Variants in TMEM181 observed in about 807,000 individuals in gnomAD.
The protein encoded by TMEM181 is transmembrane protein 181.
TMEM181 carries 39 observed loss-of-function variants against 71.9 expected under a neutral mutation model. The observed-to-expected ratio is 0.54, with a 90% confidence interval of 0.42 to 0.71. The LOEUF (loss-of-function observed/expected upper bound fraction) is 0.71, where lower values mean the gene tolerates loss of function less well. Ranked by LOEUF, TMEM181 falls within the 30% of genes least tolerant of loss-of-function variation. TMEM181 has a pLI of 0.00. For missense variants in TMEM181, 595 were observed against 583.0 expected (o/e 1.02, Z -0.21); for synonymous variants, 245 against 228.8 (o/e 1.07, Z -0.64).
intron 1 of TMEM181, among the ~76,000 whole-genome samples, chr6:158,551,822 A>T (rs1337246508): frequency 6.6e-6 from 1 of 152,220 alleles, no homozygotes; most frequent in Admixed American, 6.5e-5. Context: ...GCTATCACTG[A>T]TCACCTGACA....
chr6:158,598,043 A>G (rs531564445), intron 6 of TMEM181, among the ~76,000 whole-genome samples: 2 of 152,310 alleles, frequency 1.3e-5, no homozygotes, highest in South Asian at 4.1e-4. Context: ...CGTTCAGGCC[A>G]TGAGACCACT....
chr6:158,600,369 C>T (rs1431043366), intron 6 of TMEM181, among the ~76,000 whole-genome samples: 2 of 151,592 alleles, frequency 1.3e-5, no homozygotes, highest in African/African-American at 4.9e-5. Context: ...AGGCTGGTCT[C>T]GAACTCCTGA....
chr6:158,571,396 T>TCCCAAAG (rs1782826441), intron 1 of TMEM181, among the ~76,000 whole-genome samples: 1 of 84,090 alleles, frequency 1.2e-5, no homozygotes, highest in Non-Finnish European at 2.7e-5. Flanking sequence ...CGCCTTGGCC[T>TCCCAAAG]TGTGATCTGC....
intron 1 of TMEM181, among the ~76,000 whole-genome samples, chr6:158,549,599 G>C (rs997707742): frequency 8.5e-5 from 13 of 152,176 alleles, no homozygotes; most frequent in Non-Finnish European, 1.6e-4. Flanking sequence ...ATTTATTTGG[G>C]AGCAAAGCAT....
At position 158,585,394 on chromosome 6, in the gene TMEM181, A is replaced by G. The variant is rs766396337; in HGVS notation, c.350A>G (p.His117Arg). The G allele has an allele frequency of 6.8e-6, 11 of 1,611,728 alleles. No individual in the cohort carries two copies. Among genetic ancestry groups the G allele is most frequent in the South Asian group, 4.4e-5 (4 of 90,540 alleles). Residue 117 changes from histidine to arginine, a missense_variant, in exon 5 of 17, where the codon CAC becomes CGC. Coordinates refer to ENST00000684151, the MANE Select transcript of TMEM181 (RefSeq NM_001376852.1). ...GTTMYIHNKV[H>R]NRTRTLTCAG... The stretch of plus-strand genomic sequence containing the variant: ...ACGATGTACATTCATAACAAAGTTC[A>G]CAACCGGACAAGGACCCTCACATGT...
chr6:158,615,264 C>A (rs776133094), intron 10 of TMEM181, among the ~76,000 whole-genome samples: 3 of 152,178 alleles, frequency 2.0e-5, no homozygotes, highest in Non-Finnish European at 4.4e-5. Context: ...TTTCATGTGT[C>A]TTTTGGCTGC....
At chr6:158,602,429 G>A (rs1028476361) in intron 6 of TMEM181, among the ~76,000 whole-genome samples, 4 of 152,170 alleles carry the variant, frequency 2.6e-5, no homozygotes, top group African/African-American at 9.7e-5. Flanking sequence ...TGGGCCATGT[G>A]GTTAAGAAAC....
chr6:158,585,747 G>T (rs1354654888), intron 5 of TMEM181, among the ~76,000 whole-genome samples: 1 of 152,164 alleles, frequency 6.6e-6, no homozygotes, highest in Non-Finnish European at 1.5e-5. Flanking sequence ...GTGACCTTCT[G>T]CCCAGTGTGT....
chr6:158,626,660 CAG>C, intron 13 of TMEM181: 1 of 457,306 alleles, frequency 2.2e-6, no homozygotes, highest in Non-Finnish European at 4.4e-6. Context: ...AAAAGTCACT[CAG>C]AATAATGCTG....
chr6:158,600,351 T>C (rs1784601729), intron 6 of TMEM181, among the ~76,000 whole-genome samples: 1 of 151,930 alleles, frequency 6.6e-6, no homozygotes, highest in Non-Finnish European at 1.5e-5. Context: ...GGTTTCTCCA[T>C]GTTGGTCAGG....
At chr6:158,586,222 A>G (rs1049457529) in intron 5 of TMEM181, among the ~76,000 whole-genome samples, 5 of 152,236 alleles carry the variant, frequency 3.3e-5, no homozygotes, top group African/African-American at 1.2e-4. Flanking sequence ...TTCAGAGTCC[A>G]AAGAATCAGA....
chr6:158,562,819 C>T (rs1330345812), intron 1 of TMEM181, among the ~76,000 whole-genome samples: 2 of 152,184 alleles, frequency 1.3e-5, no homozygotes, highest in South Asian at 2.1e-4. Context: ...TAGCAAGTGC[C>T]GTCGTAAGCA....
intron 13 of TMEM181, chr6:158,626,615 AGACTTG>A (rs1388410077): frequency 2.4e-5 from 11 of 456,412 alleles, no homozygotes; most frequent in African/African-American, 1.8e-4. Context: ...AACTCAGCTC[AGACTTG>A]GACTTGAACT....
chr6:158,571,957 A>G (rs1257183235), intron 1 of TMEM181, among the ~76,000 whole-genome samples: 3 of 152,046 alleles, frequency 2.0e-5, no homozygotes, highest in African/African-American at 7.2e-5. Flanking sequence ...GGGCCAGGCC[A>G]CCTCCTTCCC....
Position 158,625,754 on chromosome 6 carries a change from G to T in TMEM181, c.1109G>T (p.Ser370Ile), listed in dbSNP as rs1250891836. The T allele has an allele frequency of 6.2e-7, 1 of 1,608,896 alleles. No individual in the cohort carries two copies. Among genetic ancestry groups the T allele is most frequent in the Non-Finnish European group, 8.5e-7 (1 of 1,178,600 alleles). ...TTGACTTTCGTAGTACTTGTCATTAGGTAAGAAGACCTTATTTCTTGAAAA... is the reference window on the plus strand; with the variant it reads ...TTGACTTTCGTAGTACTTGTCATTATGTAAGAAGACCTTATTTCTTGAAAA... ...TALTFVVLVI[S>I]IAILYLRFGA... The change falls in exon 13 of 17, where the codon AGC (serine) becomes ATC (isoleucine). Residue 370 changes from serine (S) to isoleucine (I), a missense_variant and splice_region_variant. Transcript: ENST00000684151.
intron 1 of TMEM181, among the ~76,000 whole-genome samples, chr6:158,551,576 A>G (rs1041519619): frequency 2.0e-5 from 3 of 152,200 alleles, no homozygotes; most frequent in Non-Finnish European, 2.9e-5. Context: ...AGTTATTTCT[A>G]TTACACACAA....
At chr6:158,572,372 C>T (rs1782905051) in intron 1 of TMEM181, 1 of 456,524 alleles carries the variant, frequency 2.2e-6, no homozygotes, top group East Asian at 6.9e-5. Flanking sequence ...GGTGCTCGGT[C>T]TCCTTCCCGC....
chr6:158,608,504 CTG>C, intron 9 of TMEM181, 41 bp downstream of exon 9: 5 of 1,613,762 alleles, frequency 3.1e-6, no homozygotes, highest in Non-Finnish European at 4.2e-6. Context: ...AGGTTCCAGA[CTG>C]TGTCCTCCCT....
At chr6:158,562,910 A>C (rs980882663) in intron 1 of TMEM181, among the ~76,000 whole-genome samples, 10 of 152,198 alleles carry the variant, frequency 6.6e-5, no homozygotes, top group Non-Finnish European at 1.2e-4. Flanking sequence ...GCAGATGAGG[A>C]AACTGAGGTA....
Sources: gnomAD v4.1 joint callset for allele counts (sites outside exome capture counted in the v4.1 genomes callset) on GRCh38, gnomAD v4.1.1 for gene constraint, MANE v1.5 for transcripts, NCBI Gene and HGNC (gene_info 2026-07-23, HGNC 2026-07-21) for gene names.